Variants in FRK observed in about 807,000 individuals in gnomAD.
The protein encoded by FRK is tyrosine-protein kinase FRK.
Under a neutral mutation model 56.4 loss-of-function variants are expected in FRK, and 51 were observed. That is an observed-to-expected ratio of 0.90 (90% confidence interval 0.72 to 1.14). FRK has a LOEUF of 1.14. Among genes scored for constraint, FRK ranks in the 50% most tolerant of loss-of-function variants. The pLI, the probability that FRK is intolerant of heterozygous loss-of-function variation, is 0.00. For missense variants in FRK, 570 were observed against 601.4 expected (o/e 0.95, Z 0.55); for synonymous variants, 245 against 217.9 (o/e 1.12, Z -1.10).
intron 2 of FRK, among the ~76,000 whole-genome samples, chr6:115,979,737 G>A (rs909103855): frequency 9.9e-5 from 15 of 152,006 alleles, no homozygotes; most frequent in African/African-American, 2.9e-4. Flanking sequence ...TTACTGTGTC[G>A]CTTATATGTT....
chr6:115,992,783 G>A (rs1774665037), intron 2 of FRK, among the ~76,000 whole-genome samples: 1 of 151,676 alleles, frequency 6.6e-6, no homozygotes, highest in Non-Finnish European at 1.5e-5. Context: ...GACAAGAAAT[G>A]GCTTTTAGCA....
intron 1 of FRK, among the ~76,000 whole-genome samples, chr6:116,006,200 C>G (rs1257340160): frequency 6.6e-6 from 1 of 152,040 alleles, no homozygotes; most frequent in Non-Finnish European, 1.5e-5. Context: ...GAAAAATTGG[C>G]ATAGGATATG....
chr6:116,003,798 T>C (rs1775148715), intron 2 of FRK, 79 bp downstream of exon 2: 2 of 1,498,326 alleles, frequency 1.3e-6, no homozygotes. Flanking sequence ...TTTTAAATGA[T>C]CGTGTCCATG....
rs191652246 is a variant in FRK, at chr6:116,046,588, A to C, written c.344+13380T>G. Among the ~76,000 whole-genome samples the C allele has an allele frequency of 1.6e-4, 24 of 152,258 alleles. No individual in the cohort carries two copies. The East Asian group carries it at 4.6e-3, about 29-fold the overall frequency. ...AAAGTGGGAATTGAACAATGAGAACATGTGGACACAGTGAGGGGAACATCA... is the reference window on the plus strand; with the variant it reads ...AAAGTGGGAATTGAACAATGAGAACCTGTGGACACAGTGAGGGGAACATCA... On this transcript the variant is annotated intron_variant, in intron 1 of 7. Coordinates refer to ENST00000606080, the MANE Select transcript of FRK (RefSeq NM_002031.3).
In FRK at chr6:116,003,915, C is replaced by G. The variant is rs1210371130; in HGVS notation, c.428G>C (p.Arg143Thr). The G allele has an allele frequency of 1.2e-6, 2 of 1,613,358 alleles. No homozygotes were observed. Among genetic ancestry groups the G allele is most frequent in the Non-Finnish European group, 1.7e-6 (2 of 1,179,700 alleles). The change falls in exon 2 of 8, where the codon AGA becomes ACA. Residue 143 changes from arginine to threonine, a missense_variant. Coordinates refer to ENST00000606080, the MANE Select transcript of FRK (RefSeq NM_002031.3). ...SENKTGSFLI[R>T]ESESQKGEFS... ...TTCTCCTTTTTGGCTTTCACTTTCT[C>G]TGATTAGAAAGGAACCGGTCTTGTT...
the FRK span, among the ~76,000 whole-genome samples, chr6:116,082,624 A>C: frequency 1.6e-4 from 24 of 152,300 alleles, no homozygotes; most frequent in African/African-American, 4.8e-4. Flanking sequence ...GAATGGCTCC[A>C]AGCATTTTTG....
chr6:115,944,262 T>A lies in FRK; in HGVS notation c.1122A>T (p.Gly374=). The change falls in exon 6 of 8, where the codon GGA becomes GGT. Residue 374 remains glycine, a synonymous_variant. Coordinates refer to ENST00000606080, the MANE Select transcript of FRK (RefSeq NM_002031.3). ...AATCCACCTTAAAAACTCTGGCAAG[T>A]CCAAAATCTGCTACTTTGTAGATAT... ...EHNIYKVADF[G]LARVFKVDNE... The A allele has an allele frequency of 6.2e-7, 1 of 1,607,618 alleles. No homozygotes were observed. Among genetic ancestry groups the A allele is most frequent in the Non-Finnish European group, 8.5e-7 (1 of 1,178,452 alleles).
intron 2 of FRK, among the ~76,000 whole-genome samples, chr6:115,971,719 T>C (rs959487443): frequency 6.6e-6 from 1 of 152,172 alleles, no homozygotes; most frequent in African/African-American, 2.4e-5. Flanking sequence ...TCCCAGATGA[T>C]AACCAAAACA....
chr6:116,081,784 A>G, the FRK span, among the ~76,000 whole-genome samples: 5 of 152,260 alleles, frequency 3.3e-5, no homozygotes, highest in Admixed American at 3.3e-4. Flanking sequence ...ATATCTACAC[A>G]TTAATCAAGT....
At chr6:116,063,129 T>A (rs764227910), upstream of FRK, among the ~76,000 whole-genome samples, 5 of 152,178 alleles carry the variant, frequency 3.3e-5, no homozygotes, top group Admixed American at 6.5e-5. Context: ...TAAGAGTAGC[T>A]ATCTGTTTGG....
chr6:116,057,059 T>C (rs1777426445), intron 1 of FRK, among the ~76,000 whole-genome samples: 1 of 152,210 alleles, frequency 6.6e-6, no homozygotes, highest in Non-Finnish European at 1.5e-5. Flanking sequence ...TCCAGAAGTA[T>C]TTGCAGTTTC....
the FRK span, among the ~76,000 whole-genome samples, chr6:116,068,358 T>C: frequency 6.6e-6 from 1 of 151,644 alleles, no homozygotes; most frequent in South Asian, 2.1e-4. Flanking sequence ...AGAAAAGCAA[T>C]GACTATTAGA....
chr6:116,013,168 A>C (rs1217917172), intron 1 of FRK, among the ~76,000 whole-genome samples: 2 of 152,112 alleles, frequency 1.3e-5, no homozygotes, highest in African/African-American at 2.4e-5. Flanking sequence ...TGCTTTCTTC[A>C]CTGGGGGAGG....
chr6:115,942,291 TTA>T lies in FRK; in HGVS notation c.*121_*122del, dbSNP rs1772215411. ...TCTTTTTCATAATACATGGCCAACTTTATCCTATCACTTGAATATGTCAGGAT... is the reference window on the plus strand; with the variant it reads ...TCTTTTTCATAATACATGGCCAACTTTCCTATCACTTGAATATGTCAGGAT... On this transcript the variant is annotated 3_prime_UTR_variant, in exon 8 of 8. Transcript: ENST00000606080. The T allele has an allele frequency of 1.2e-6, 1 of 810,010 alleles. No homozygotes were observed. Among genetic ancestry groups the T allele is most frequent in the African/African-American group, 1.7e-5 (1 of 58,232 alleles). The allele number at this position is 810,010 out of a possible 1,614,324, so 50.2% of individuals were successfully genotyped here.
the FRK span, among the ~76,000 whole-genome samples, chr6:116,090,822 C>T: frequency 6.6e-6 from 1 of 152,350 alleles, no homozygotes; most frequent in Admixed American, 6.5e-5. Context: ...TAACCTGGAA[C>T]TAGCTGAGCT....
chr6:116,030,358 T>C (rs531225660), intron 1 of FRK, among the ~76,000 whole-genome samples: 1 of 152,252 alleles, frequency 6.6e-6, no homozygotes, highest in Non-Finnish European at 1.5e-5. Context: ...CCAAAATCAT[T>C]TCCCAAATAT....
At chr6:115,998,117 C>G (rs919436507) in intron 2 of FRK, among the ~76,000 whole-genome samples, 1 of 152,202 alleles carries the variant, frequency 6.6e-6, no homozygotes, top group African/African-American at 2.4e-5. Context: ...AGAGCAGAGA[C>G]AGTGCAGCCA....
intron 1 of FRK, among the ~76,000 whole-genome samples, chr6:116,048,071 T>C (rs1044227512): frequency 2.0e-5 from 3 of 152,252 alleles, no homozygotes; most frequent in African/African-American, 7.2e-5. Context: ...CTCTCATTGT[T>C]TGATTCTTAG....
chr6:116,015,482 G>A (rs936726400), intron 1 of FRK, among the ~76,000 whole-genome samples: 14 of 152,162 alleles, frequency 9.2e-5, no homozygotes, highest in African/African-American at 3.1e-4. Context: ...GATAGCAGTA[G>A]AGTGGGGCAC....
Sources: allele counts gnomAD v4.1 joint callset (sites outside exome capture counted in the v4.1 genomes callset), GRCh38; gene constraint gnomAD v4.1.1; transcripts MANE v1.5; gene names NCBI Gene and HGNC (gene_info 2026-07-23, HGNC 2026-07-21).